The following EIF3A variants were observed in gnomAD, a reference collection of about 807,000 sequenced individuals.
The protein encoded by EIF3A is eukaryotic translation initiation factor 3 subunit A.
EIF3A carries 21 observed loss-of-function variants against 186.6 expected under a neutral mutation model. The ratio of observed to expected loss-of-function variants is 0.11; its 90% CI spans 0.08 to 0.16. EIF3A has a LOEUF of 0.16. Among genes scored for constraint, EIF3A ranks in the 10% least tolerant of loss-of-function variants. The pLI, the probability that EIF3A is intolerant of heterozygous loss-of-function variation, is 1.00. For missense variants in EIF3A, 1,306 were observed against 1,796.3 expected (o/e 0.73, Z 4.93); for synonymous variants, 563 against 584.3 (o/e 0.96, Z 0.52).
intron 17 of EIF3A, 61 bp from the exon 18 acceptor site, chr10:119,044,203 G>T: frequency 9.6e-7 from 1 of 1,043,976 alleles, no homozygotes; most frequent in Non-Finnish European, 1.5e-6. Context: ...TACAACTACT[G>T]GTATTACCAT....
At chr10:119,066,505 C>CAAAAAAAAAAAA (rs71016533) in intron 6 of EIF3A, among the ~76,000 whole-genome samples, 2 of 47,498 alleles carry the variant, frequency 4.2e-5, no homozygotes, top group East Asian at 8.7e-4. Flanking sequence ...TTAAGACTGT[C>CAAAAAAAAAAAA]AAAAAAAAAA....
intron 7 of EIF3A, among the ~76,000 whole-genome samples, chr10:119,064,373 C>T (rs747609001): frequency 6.6e-6 from 1 of 152,176 alleles, no homozygotes; most frequent in Non-Finnish European, 1.5e-5. Context: ...TCATGTTCAA[C>T]TGTAATCTCC....
In EIF3A at chr10:119,056,829, G is replaced by T. The variant is rs773575888; in HGVS notation, c.2107C>A (p.Arg703Ser). ...TTTATCAAAGGAATTTCTTCCAAAC[G>T]TTTGGCTCTTTCAAAATAGTCAATC... ...KKIDYFERAK[R>S]LEEIPLIKSA... is the part of the protein sequence containing the mutation. Residue 703 changes from arginine to serine, a missense_variant, in exon 14 of 22, where the codon CGT (arginine) becomes AGT (serine). By Grantham distance (110) the Arg-to-Ser change is moderately radical. This residue lies in a region of EIF3A where 94 missense variants were observed against 204.9 expected (regional missense o/e 0.46). Transcript: ENST00000369144. 1 of 1,613,240 alleles carries T rather than the reference G, an allele frequency of 6.2e-7. No homozygotes were observed. Among genetic ancestry groups the T allele is most frequent in the Non-Finnish European group, 8.5e-7 (1 of 1,179,438 alleles).
intron 6 of EIF3A, among the ~76,000 whole-genome samples, chr10:119,069,230 G>A (rs1421168026): frequency 2.0e-5 from 3 of 151,912 alleles, no homozygotes; most frequent in South Asian, 4.1e-4. Context: ...CACAACTGGC[G>A]GTGGTTGCTA....
Position 119,065,446 on chromosome 10 carries a change from G to C in EIF3A, c.1075C>G (p.Leu359Val), listed in dbSNP as rs977034204. The C allele has an allele frequency of 1.2e-6, 2 of 1,613,818 alleles. No homozygotes were observed. The highest frequency in any genetic ancestry group is 2.2e-5 in the East Asian group (1 of 44,884). ...VEKQRRLATL[L>V]GLQAPPTRIG... ...CGTGTCGGTGGGGCTTGAAGACCTA[G>C]TAGTGTTGCAAGGCGACGCTGTTTT... The change falls in exon 7 of 22, where the codon CTA (leucine) becomes GTA (valine). Residue 359 changes from leucine to valine, a missense_variant. This residue lies in a region of EIF3A where 267 missense variants were observed against 367.8 expected (regional missense o/e 0.73). Transcript: ENST00000369144.
At chr10:119,074,893 G>A (rs1247237520) in intron 1 of EIF3A, among the ~76,000 whole-genome samples, 5 of 128,038 alleles carry the variant, frequency 3.9e-5, no homozygotes, top group Admixed American at 8.3e-5. Context: ...ACTCCGGCCC[G>A]GGCAACAAGA....
intron 1 of EIF3A, among the ~76,000 whole-genome samples, chr10:119,076,534 A>G (rs1330034663): frequency 7.8e-6 from 1 of 127,460 alleles, no homozygotes; most frequent in African/African-American, 3.1e-5. Context: ...ATATAACTAG[A>G]TATTTTGTTG....
At chr10:119,063,860 T>A (rs7074023) in intron 7 of EIF3A, among the ~76,000 whole-genome samples, 142,857 of 152,308 alleles carry the variant, frequency 0.94, 67,620 homozygotes, top group Non-Finnish European at 1. Context: ...AGGGGGATCG[T>A]TCACTTGAGG....
chr10:119,044,281 T>C, intron 17 of EIF3A, 139 bp from the exon 18 acceptor site: 2 of 638,088 alleles, frequency 3.1e-6, no homozygotes, highest in Non-Finnish European at 5.5e-6. Flanking sequence ...TTTCATTTAT[T>C]TTTTAATCTG....
In EIF3A at chr10:119,034,471, G is replaced by A. The variant is rs769890774; in HGVS notation, c.*1568C>T. 2 of 152,150 alleles carry A rather than the reference G, an allele frequency of 1.3e-5. No individual in the cohort carries two copies. The highest frequency in any genetic ancestry group is 2.9e-5 in the Non-Finnish European group (2 of 68,034). The allele number at this position is 152,150 out of a possible 1,614,324, so 9.4% of individuals were successfully genotyped here. ...CTGCCCCACTTGTAATCACTGATCT[G>A]AAATTCTCTTGTTATGAAAGAAAAG... On this transcript the variant is annotated 3_prime_UTR_variant, in exon 22 of 22. Transcript: ENST00000369144.
intron 12 of EIF3A, 130 bp downstream of exon 12, chr10:119,057,826 T>C: frequency 1.4e-6 from 1 of 707,008 alleles, no homozygotes; most frequent in East Asian, 2.5e-5. Flanking sequence ...ACTCACAGAT[T>C]TAGTCATGAC....
intron 17 of EIF3A, among the ~76,000 whole-genome samples, chr10:119,048,569 G>A (rs749517915): frequency 1.2e-4 from 18 of 152,064 alleles, no homozygotes; most frequent in Non-Finnish European, 2.2e-4. Context: ...CAAAGTCTGC[G>A]TTTCTAACAA....
chr10:119,074,917 T>TAA (rs1844136248), intron 1 of EIF3A, among the ~76,000 whole-genome samples: 1 of 1,886 alleles, frequency 5.3e-4, no homozygotes, highest in Non-Finnish European at 1.5e-3. Context: ...AAACTCCAAC[T>TAA]CAAAAAAAAA....
In EIF3A at chr10:119,042,741, C is replaced by A; in HGVS notation, c.2779G>T (p.Asp927Tyr). The A allele has an allele frequency of 5.6e-6, 9 of 1,610,040 alleles. No homozygotes were observed. Among genetic ancestry groups the A allele is most frequent in the Non-Finnish European group, 7.6e-6 (9 of 1,178,036 alleles). ...TCTTCATCTCTTCTATGAGACCTGT[C>A]CTCATCTCGCCCTTCTCCACGTCTC... ...EWRRGEGRDE[D>Y]RSHRRDEERP... is the part of the protein sequence containing the mutation. The change falls in exon 19 of 22, where the codon GAC becomes TAC. Residue 927 changes from aspartate to tyrosine, a missense_variant. Transcript: ENST00000369144. The surrounding 1 kb of genome is among the most constrained non-coding windows in gnomAD (Gnocchi z 7.8).
In EIF3A at chr10:119,079,768, G is replaced by GA. The variant is rs554709949; in HGVS notation, c.49+859dup. Among the ~76,000 whole-genome samples the GA allele has an allele frequency of 2.1e-3, 317 of 152,096 alleles. 2 individuals are homozygous for GA. Among genetic ancestry groups the GA allele is most frequent in the African/African-American group, 7.3e-3 (305 of 41,512 alleles). ...AATCGCAGACAGCAGCACTGTGGCA[G>GA]AAAAAAAGAGAAAAAAGGACTGATC... On this transcript the variant is annotated intron_variant, in intron 1 of 21. Coordinates refer to ENST00000369144, the MANE Select transcript of EIF3A (RefSeq NM_003750.4).
rs776754290 is a variant in EIF3A at position 119,037,141 on chromosome 10, T to C, written c.3897A>G (p.Pro1299=). 7 of 1,423,290 alleles carry C rather than the reference T, an allele frequency of 4.9e-6. No homozygotes were observed. Among genetic ancestry groups the C allele is most frequent in the Non-Finnish European group, 6.6e-6 (7 of 1,060,986 alleles). 88.2% of individuals were successfully genotyped at this position (1,423,290 alleles called of 1,614,324 possible). A position where few individuals can be genotyped will look rare whatever the true frequency, so the allele number is the denominator to read the frequency against. Residue 1299 remains proline, a synonymous_variant, in exon 21 of 22, where the codon CCA becomes CCG. Coordinates refer to ENST00000369144, the MANE Select transcript of EIF3A (RefSeq NM_003750.4). ...LRDDRDRRGP[P]LRSEREEVSS... ...TACCTTCTTCACGTTCTGATCTGAG[T>C]GGAGGTCCTCTTCGGTCCCTGTCGT...
At chr10:119,057,824 A>AT (rs1436206595) in intron 12 of EIF3A, 132 bp downstream of exon 12, 1 of 702,504 alleles carries the variant, frequency 1.4e-6, no homozygotes, top group African/African-American at 1.8e-5. Flanking sequence ...TTACTCACAG[A>AT]TTTAGTCATG....
intron 14 of EIF3A, among the ~76,000 whole-genome samples, chr10:119,054,378 TCTCA>T: frequency 6.6e-6 from 1 of 152,210 alleles, no homozygotes; most frequent in African/African-American, 2.4e-5. Flanking sequence ...TGTTTCACTT[TCTCA>T]CTGTTTATGT....
At chr10:119,064,235 A>C (rs74427942) in intron 7 of EIF3A, among the ~76,000 whole-genome samples, 1 of 152,320 alleles carries the variant, frequency 6.6e-6, no homozygotes, top group East Asian at 1.9e-4. Flanking sequence ...ACATCAAATG[A>C]AAGTTTAAAA....
Sources: gnomAD v4.1 joint callset for allele counts (sites outside exome capture counted in the v4.1 genomes callset) on GRCh38, gnomAD v4.1.1 for gene constraint, gnomAD v4.1.1 regional missense constraint, Gnocchi (gnomAD v3.1) non-coding constraint, MANE v1.5 for transcripts, NCBI Gene and HGNC (gene_info 2026-07-23, HGNC 2026-07-21) for gene names.